The following ARID1B variants were observed in gnomAD, a reference collection of about 807,000 sequenced individuals.
The protein encoded by ARID1B is AT-rich interaction domain 1B, also known as AT-rich interactive domain-containing protein 1B.
Under a neutral mutation model 212.3 loss-of-function variants are expected in ARID1B, and 30 were observed. That is an observed-to-expected ratio of 0.14 (90% CI 0.11 to 0.19). ARID1B has a LOEUF of 0.19. ARID1B is among the 10% of genes least tolerant of loss of function. ARID1B has a pLI of 1.00. For missense variants in ARID1B, 2,891 were observed against 3,204.0 expected (o/e 0.90, Z 2.36); for synonymous variants, 1,402 against 1,301.7 (o/e 1.08, Z -1.66).
At chr6:157,161,893 AC>A (rs942564856) in intron 8 of ARID1B, among the ~76,000 whole-genome samples, 6 of 152,208 alleles carry the variant, frequency 3.9e-5, no homozygotes, top group African/African-American at 1.4e-4. Flanking sequence ...AGTTATGTAC[AC>A]CTGGCACTCG....
chr6:156,778,484 GGAC>G lies in ARID1B; in HGVS notation c.809_811del (p.Asp270del). 1.6e-6 allele frequency: 2 copies of G among 1,288,694 alleles called. No homozygotes were observed. Among genetic ancestry groups the G allele is most frequent in the Non-Finnish European group, 2.0e-6 (2 of 1,024,662 alleles). 79.8% of individuals were successfully genotyped at this position (1,288,694 alleles called of 1,614,324 possible). On this transcript the variant is annotated inframe_deletion, in exon 1 of 20. Coordinates refer to ENST00000636930, the MANE Select transcript of ARID1B (RefSeq NM_001374828.1). ...CGCTGCTGAGCAAGCCGGGCGACGA[GGAC>G]GACGCGCCGCCCAAGATGGGGGAGC...
chr6:156,809,176 CTG>C (rs1781391224), intron 1 of ARID1B, among the ~76,000 whole-genome samples: 1 of 152,130 alleles, frequency 6.6e-6, no homozygotes, highest in Non-Finnish European at 1.5e-5. Flanking sequence ...TGTTTCAGCT[CTG>C]TGCACTGCTG....
chr6:156,883,191 A>C (rs80179471), intron 2 of ARID1B, among the ~76,000 whole-genome samples: 2,106 of 152,298 alleles, frequency 0.014, 17 homozygotes, highest in Non-Finnish European at 0.022. Context: ...CAGATTCTCA[A>C]TTATATGTTA....
chr6:156,845,309 A>G (rs1247089388), intron 2 of ARID1B, among the ~76,000 whole-genome samples: 3 of 152,196 alleles, frequency 2.0e-5, no homozygotes. Context: ...CCCGCTGCGC[A>G]TTCGGAGTAA....
Position 157,161,514 on chromosome 6 carries a change from G to A in ARID1B, c.3090-5526G>A, listed in dbSNP as rs180988281. ...AAAATATTAAATTTAAAATAACCTC[G>A]ACTGAGTCTCTCCTTCTCAGTACTG... On this transcript the variant is annotated intron_variant, in intron 8 of 19. Transcript: ENST00000636930. Among the ~76,000 whole-genome samples the A allele has an allele frequency of 7.8e-3, 1,176 of 151,120 alleles. 16 individuals carry two copies. The highest frequency in any genetic ancestry group is 0.027 in the African/African-American group (1,125 of 41,146).
chr6:157,191,723 A>G (rs1240219870), intron 15 of ARID1B, among the ~76,000 whole-genome samples: 2 of 152,188 alleles, frequency 1.3e-5, no homozygotes, highest in South Asian at 2.1e-4. Flanking sequence ...AAGTGCATTC[A>G]AGGCCTGTGA....
Position 157,206,526 on chromosome 6 carries a change from C to A in ARID1B, c.5754C>A (p.Asn1918Lys). The A allele has an allele frequency of 6.2e-7, 1 of 1,614,188 alleles. No homozygotes were observed. The highest frequency in any genetic ancestry group is 1.1e-5 in the South Asian group (1 of 91,084). The part of the protein sequence containing the change: ...DKLPIKIVKK[N>K]NLFVVDRSDK... ...TGCCAATAAAGATAGTCAAAAAGAA[C>A]AACCTGTTTGTTGTTGACCGATCTG... The change falls in exon 20 of 20, where the codon AAC becomes AAA. Residue 1918 changes from asparagine to lysine, a missense_variant. Transcript: ENST00000636930. This position sits in a 1 kb window ranked among gnomAD's most constrained non-coding sequence, Gnocchi z 6.8.
intron 2 of ARID1B, among the ~76,000 whole-genome samples, chr6:156,896,894 A>C (rs929893348): frequency 2.6e-5 from 4 of 152,086 alleles, no homozygotes; most frequent in Admixed American, 1.3e-4. Flanking sequence ...AACAAAAACA[A>C]ACTTCTTTAG....
chr6:157,207,713 G>A lies in ARID1B; in HGVS notation c.6941G>A (p.Ser2314Asn), dbSNP rs1794575052. 6.2e-7 allele frequency: 1 copy of A among 1,600,522 alleles called. No individual in the cohort carries two copies. The highest frequency in any genetic ancestry group is 8.6e-7 in the Non-Finnish European group (1 of 1,168,966). ...HMQPPPLEPPSVDMMCRAAKA... is the reference protein window; with the variant it reads ...HMQPPPLEPPNVDMMCRAAKA... ...CAGCCCCCGCCCCTGGAACCACCTAGCGTAGACATGATGTGCAGGGCGGCC... is the reference window on the plus strand; with the variant it reads ...CAGCCCCCGCCCCTGGAACCACCTAACGTAGACATGATGTGCAGGGCGGCC... Residue 2314 changes from serine (S) to asparagine (N), a missense_variant, in exon 20 of 20, where the codon AGC becomes AAC. This residue lies in a region of ARID1B where 187 missense variants were observed against 306.5 expected (regional missense o/e 0.61). Transcript: ENST00000636930. This position sits in a 1 kb window ranked among gnomAD's most constrained non-coding sequence, Gnocchi z 8.5.
At chr6:156,816,737 T>C (rs1176564537) in intron 1 of ARID1B, among the ~76,000 whole-genome samples, 1 of 152,130 alleles carries the variant, frequency 6.6e-6, no homozygotes, top group Non-Finnish European at 1.5e-5. Flanking sequence ...GGCATCGGCT[T>C]GGTGGTGCAT....
intron 4 of ARID1B, among the ~76,000 whole-genome samples, chr6:157,020,481 C>G (rs1171648715): frequency 6.6e-6 from 1 of 151,930 alleles, no homozygotes; most frequent in Non-Finnish European, 1.5e-5. Context: ...TTAATTAACC[C>G]AAACTTTAAC....
At chr6:157,111,332 G>A (rs996584982) in intron 6 of ARID1B, 4 of 152,342 alleles carry the variant, frequency 2.6e-5, no homozygotes, top group Non-Finnish European at 4.4e-5. Context: ...ACTCTTGGTG[G>A]TGGTGGTGGT....
intron 5 of ARID1B, among the ~76,000 whole-genome samples, chr6:157,085,691 ACCTCT>A (rs1454152097): frequency 2.0e-5 from 3 of 150,142 alleles, no homozygotes; most frequent in South Asian, 2.1e-4. Context: ...TTAACGTTTC[ACCTCT>A]TTTATATTAA....
intron 13 of ARID1B, chr6:157,184,908 G>C (rs1309868644): frequency 5.3e-6 from 1 of 190,008 alleles, no homozygotes; most frequent in African/African-American, 2.4e-5. Flanking sequence ...CCTGGGCTTC[G>C]TTTCTAATGT....
rs1465331796 is a variant in ARID1B at position 156,777,984 on chromosome 6, G to A, written c.304G>A (p.Gly102Ser). ...AAAGTHSAKS[G>S]GSEAALKEGG... ...CGCCGGCACCCACAGCGCCAAGAGCGGCGGCTCCGAGGCGGCTCTCAAGGA... is the reference window on the plus strand; with the variant it reads ...CGCCGGCACCCACAGCGCCAAGAGCAGCGGCTCCGAGGCGGCTCTCAAGGA... The change falls in exon 1 of 20, where the codon GGC becomes AGC. Residue 102 changes from glycine (G) to serine (S), a missense_variant. Physicochemically the swap from Gly to Ser is moderately conservative, Grantham distance 56 (BLOSUM62 0). This residue lies in a region of ARID1B where 1,643 missense variants were observed against 1,544.0 expected (regional missense o/e 1.06). Transcript: ENST00000636930. The A allele has an allele frequency of 2.0e-6, 3 of 1,531,062 alleles. No individual in the cohort carries two copies. Among genetic ancestry groups the A allele is most frequent in the South Asian group, 2.4e-5 (2 of 83,704 alleles). The allele number at this position is 1,531,062 out of a possible 1,614,324, so 94.8% of individuals were successfully genotyped here. A position where few individuals can be genotyped will look rare whatever the true frequency, so the allele number is the denominator to read the frequency against.
chr6:157,002,498 A>G (rs1033665285), intron 4 of ARID1B, among the ~76,000 whole-genome samples: 1 of 152,242 alleles, frequency 6.6e-6, no homozygotes, highest in African/African-American at 2.4e-5. Context: ...ATACAAAGGA[A>G]ACAAACTTAA....
chr6:157,178,923 C>T (rs1057093060), intron 11 of ARID1B, among the ~76,000 whole-genome samples: 2 of 152,126 alleles, frequency 1.3e-5, no homozygotes, highest in African/African-American at 2.4e-5. Context: ...AAACCAGGAA[C>T]GGCAGATGGA....
intron 1 of ARID1B, among the ~76,000 whole-genome samples, chr6:156,820,978 C>T (rs1782311442): frequency 6.6e-6 from 1 of 152,176 alleles, no homozygotes; most frequent in Non-Finnish European, 1.5e-5. Context: ...GAGTCCAAGG[C>T]TCTGTCTCCC....
chr6:156,909,916 A>G (rs1789730016), intron 3 of ARID1B, among the ~76,000 whole-genome samples: 1 of 152,174 alleles, frequency 6.6e-6, no homozygotes, highest in African/African-American at 2.4e-5. Flanking sequence ...ACCATCAGCT[A>G]CAGCTGAGGC....
Sources: gnomAD v4.1 joint callset for allele counts (sites outside exome capture counted in the v4.1 genomes callset) on GRCh38, gnomAD v4.1.1 for gene constraint, gnomAD v4.1.1 regional missense constraint, Gnocchi (gnomAD v3.1) non-coding constraint, MANE v1.5 for transcripts, NCBI Gene and HGNC (gene_info 2026-07-23, HGNC 2026-07-21) for gene names.